Variants in TTLL11 observed in about 807,000 individuals in gnomAD.
TTLL11 encodes the protein tubulin tyrosine ligase like 11.
Under a neutral mutation model 51.7 loss-of-function variants are expected in TTLL11, and 42 were observed. That is an observed-to-expected ratio of 0.81 (90% CI 0.64 to 1.05). The LOEUF is 1.05. Among genes scored for constraint, TTLL11 ranks in the 50% least tolerant of loss-of-function variants. The probability of loss-of-function intolerance (pLI) is 0.00; values close to 1 mark genes in which losing one functional copy is unlikely to be tolerated. For missense variants in TTLL11, 799 were observed against 940.4 expected (o/e 0.85, Z 1.97); for synonymous variants, 381 against 383.5 (o/e 0.99, Z 0.08).
chr9:122,022,001 A>G (rs2131782251), intron 3 of TTLL11, among the ~76,000 whole-genome samples: 1 of 152,358 alleles, frequency 6.6e-6, no homozygotes, highest in Middle Eastern at 3.4e-3. Context: ...AAAAACTACA[A>G]TATGTGAGAT....
chr9:121,974,806 T>A, intron 5 of TTLL11, 78 bp downstream of exon 5: 1 of 1,134,594 alleles, frequency 8.8e-7, no homozygotes, highest in South Asian at 1.5e-5. Context: ...CCAATCTTGT[T>A]TTGTTAAGTG....
rs1025673281 is a variant in TTLL11, at chr9:121,829,543, A to C, written c.1841-6664T>G. Reference sequence around the variant, plus strand: ...GGTAAGGAGGAAAAAACAAAAAATAAATGTGTTTATATCATTGAACACAGT... The same window carrying C: ...GGTAAGGAGGAAAAAACAAAAAATACATGTGTTTATATCATTGAACACAGT... On this transcript the variant is annotated intron_variant, in intron 8 of 8. Transcript: ENST00000321582. 2.2e-4 allele frequency among the ~76,000 whole-genome samples: 33 copies of C among 152,212 alleles called. 1 individual carries two copies. Among genetic ancestry groups the C allele is most frequent in the Admixed American group, 1.8e-3 (28 of 15,290 alleles).
At chr9:121,827,587 C>T (rs947795131) in intron 8 of TTLL11, among the ~76,000 whole-genome samples, 7 of 152,230 alleles carry the variant, frequency 4.6e-5, no homozygotes, top group South Asian at 2.1e-4. Flanking sequence ...CTATTGAATG[C>T]GTGCCAGTGA....
chr9:121,906,481 A>G (rs1400501544), intron 6 of TTLL11, among the ~76,000 whole-genome samples: 1 of 152,020 alleles, frequency 6.6e-6, no homozygotes, highest in Non-Finnish European at 1.5e-5. Context: ...CATCACAGTT[A>G]TTTGTTCAAG....
intron 3 of TTLL11, among the ~76,000 whole-genome samples, chr9:122,002,576 T>G (rs1439305792): frequency 6.6e-6 from 1 of 152,160 alleles, no homozygotes; most frequent in African/African-American, 2.4e-5. Flanking sequence ...AGCTCTTTAG[T>G]TTGCTCTTAG....
At chr9:121,841,445 C>CTAA in intron 8 of TTLL11, among the ~76,000 whole-genome samples, 1 of 152,266 alleles carries the variant, frequency 6.6e-6, no homozygotes, top group South Asian at 2.1e-4. Flanking sequence ...TCTGAGGCTG[C>CTAA]GCTTATGTAA....
intron 3 of TTLL11, among the ~76,000 whole-genome samples, chr9:122,022,225 C>A (rs1844203008): frequency 6.6e-6 from 1 of 151,836 alleles, no homozygotes; most frequent in African/African-American, 2.4e-5. Flanking sequence ...AAATAATGGG[C>A]AAATATTTTC....
rs576248982 is a variant in TTLL11 at position 122,014,371 on chromosome 9, A to T, written c.693+17352T>A. Among the ~76,000 whole-genome samples, 6 of 152,300 alleles carry T rather than the reference A, an allele frequency of 3.9e-5. No homozygotes were observed. The East Asian group carries it at 1.2e-3, about 29-fold the overall frequency. ...CACAGCAAGACTGTCTCAAAAAAAT[A>T]AAAATGAAATAAAATAAAAAGACTT... On this transcript the variant is annotated intron_variant, in intron 3 of 8. Transcript: ENST00000321582.
chr9:121,977,419 T>G (rs1318488763), intron 4 of TTLL11, among the ~76,000 whole-genome samples: 1 of 152,194 alleles, frequency 6.6e-6, no homozygotes, highest in African/African-American at 2.4e-5. Context: ...CCTATGCTCA[T>G]CATATAGAAG....
chr9:121,917,620 G>GGGGAGGGAAGGGGAGGGAA (rs1840386722), intron 6 of TTLL11, among the ~76,000 whole-genome samples: 2 of 144,414 alleles, frequency 1.4e-5, no homozygotes, highest in African/African-American at 5.2e-5. Flanking sequence ...AGGGAGGGAA[G>GGGGAGGGAAGGGGAGGGAA]GGGAGGGAAG....
intron 6 of TTLL11, among the ~76,000 whole-genome samples, chr9:121,967,731 C>T (rs56154843): frequency 0.014 from 2,137 of 152,250 alleles, 21 homozygotes; most frequent in Non-Finnish European, 0.023. Flanking sequence ...GAAAAAGAGA[C>T]GGCATCCACC....
intron 6 of TTLL11, among the ~76,000 whole-genome samples, chr9:121,874,692 G>A (rs1170242473): frequency 6.6e-6 from 1 of 151,550 alleles, no homozygotes; most frequent in Non-Finnish European, 1.5e-5. Flanking sequence ...CACATGGTCT[G>A]TCATTTGACT....
At chr9:122,082,796 G>C (rs1846031667) in intron 1 of TTLL11, among the ~76,000 whole-genome samples, 1 of 152,136 alleles carries the variant, frequency 6.6e-6, no homozygotes, top group Non-Finnish European at 1.5e-5. Context: ...ACTTTGGGAG[G>C]CTGAGGCGGG....
At chr9:122,039,165 G>C in intron 2 of TTLL11, 107 bp downstream of exon 2, 2 of 899,048 alleles carry the variant, frequency 2.2e-6, no homozygotes, top group African/African-American at 3.3e-5. Context: ...TCCCAATTAA[G>C]AGTCCTCAAA....
chr9:121,891,937 ATATATATACACATATATAT>A (rs1346383276), intron 6 of TTLL11, among the ~76,000 whole-genome samples: 21 of 148,720 alleles, frequency 1.4e-4, no homozygotes, highest in Non-Finnish European at 2.5e-4. Context: ...TATGATGATA[ATATATATACACATATATAT>A]GAGATATATA....
chr9:121,915,370 G>C (rs72765908), intron 6 of TTLL11, among the ~76,000 whole-genome samples: 2,032 of 152,308 alleles, frequency 0.013, 22 homozygotes, highest in Non-Finnish European at 0.022. Context: ...TGCTGTGCTT[G>C]TATACAGCTG....
intron 8 of TTLL11, among the ~76,000 whole-genome samples, chr9:121,824,606 G>GT (rs1836693693): frequency 6.6e-6 from 1 of 151,982 alleles, no homozygotes; most frequent in South Asian, 2.1e-4. Flanking sequence ...TAACTAAGTT[G>GT]TTAAAAACTT....
chr9:121,943,883 G>A (rs1242592722), intron 6 of TTLL11, among the ~76,000 whole-genome samples: 1 of 152,202 alleles, frequency 6.6e-6, no homozygotes, highest in East Asian at 1.9e-4. Flanking sequence ...GAGATGCTCA[G>A]AAAATGTTTG....
chr9:121,997,403 G>A (rs1423752871), intron 3 of TTLL11, among the ~76,000 whole-genome samples: 1 of 152,002 alleles, frequency 6.6e-6, no homozygotes, highest in African/African-American at 2.4e-5. Flanking sequence ...CCTCTGTCCA[G>A]CCCCACCTAA....
Sources: gnomAD v4.1 joint callset for allele counts (sites outside exome capture counted in the v4.1 genomes callset) on GRCh38, gnomAD v4.1.1 for gene constraint, MANE v1.5 for transcripts, NCBI Gene and HGNC (gene_info 2026-07-23, HGNC 2026-07-21) for gene names.